The following PHLDB1 variants were observed in gnomAD, a reference collection of about 807,000 sequenced individuals.
The protein encoded by PHLDB1 is pleckstrin homology like domain family B member 1.
Under a neutral mutation model 139.3 loss-of-function variants are expected in PHLDB1, and 65 were observed. The observed-to-expected ratio is 0.47, with a 90% CI of 0.38 to 0.57. The LOEUF (loss-of-function observed/expected upper bound fraction) is 0.57, where lower values mean the gene tolerates loss of function less well. Ranked by LOEUF, PHLDB1 falls within the 20% of genes least tolerant of loss-of-function variation. The pLI, the probability that PHLDB1 is intolerant of heterozygous loss-of-function variation, is 0.00. For missense variants in PHLDB1, 1,624 were observed against 1,839.7 expected (o/e 0.88, Z 2.14); for synonymous variants, 679 against 734.5 (o/e 0.92, Z 1.22).
chr11:118,610,776 C>T lies in PHLDB1; in HGVS notation c.-21-3040C>T, dbSNP rs1311718091. On this transcript the variant is annotated intron_variant, in intron 1 of 22. Coordinates refer to ENST00000600882, the MANE Select transcript of PHLDB1 (RefSeq NM_001144758.3). The surrounding 1 kb of genome is among the most constrained non-coding windows in gnomAD (Gnocchi z 8.7). ...GGCGGAGAGGGCTTCAGACTGGTGTCCCGCGTGGCTGGGGTGTCGGCGCAT... is the reference window on the plus strand; with the variant it reads ...GGCGGAGAGGGCTTCAGACTGGTGTTCCGCGTGGCTGGGGTGTCGGCGCAT... Among the ~76,000 whole-genome samples the T allele has an allele frequency of 7.9e-5, 12 of 152,172 alleles. No homozygotes were observed. Among genetic ancestry groups the T allele is most frequent in the Admixed American group, 7.9e-4 (12 of 15,286 alleles).
At chr11:118,623,440 C>G (rs1943207442) in intron 4 of PHLDB1, among the ~76,000 whole-genome samples, 1 of 152,194 alleles carries the variant, frequency 6.6e-6, no homozygotes, top group African/African-American at 2.4e-5. Context: ...CTACATTTTC[C>G]AGCTCCCACA....
Position 118,656,968 on chromosome 11 carries a change from T to G in PHLDB1, c.*145T>G, listed in dbSNP as rs1949140998. 4.3e-6 allele frequency: 3 copies of G among 705,206 alleles called. No homozygotes were observed. The Admixed American group carries it at 8.8e-5, about 21-fold the overall frequency. 43.7% of individuals were successfully genotyped at this position (705,206 alleles called of 1,614,324 possible). A position where few individuals can be genotyped will look rare whatever the true frequency, so the allele number is the denominator to read the frequency against. The stretch of plus-strand genomic sequence containing the variant: ...AGAAGAAAAGTAGAGGTGGCTTTGC[T>G]GCCTCCTGGGAGCCCAGAACTTGCA... On this transcript the variant is annotated 3_prime_UTR_variant, in exon 23 of 23. Coordinates refer to ENST00000600882, the MANE Select transcript of PHLDB1 (RefSeq NM_001144758.3).
intron 9 of PHLDB1, chr11:118,633,215 T>C (rs1555112784): frequency 6.6e-6 from 1 of 152,404 alleles, no homozygotes; most frequent in African/African-American, 2.4e-5. Flanking sequence ...CTGGCCTCTC[T>C]CCTCTAATGC....
chr11:118,617,306 G>A (rs1381880944), intron 4 of PHLDB1, among the ~76,000 whole-genome samples: 2 of 152,150 alleles, frequency 1.3e-5, no homozygotes, highest in African/African-American at 4.8e-5. Flanking sequence ...CTCTGAGCAG[G>A]CTCTGATGGT....
intron 20 of PHLDB1, 172 bp from the exon 21 acceptor site, chr11:118,655,433 A>C: frequency 1.8e-6 from 1 of 560,960 alleles, no homozygotes; most frequent in Non-Finnish European, 3.2e-6. Flanking sequence ...AGTGAGGCTG[A>C]GCATTATCCA....
chr11:118,622,306 TG>T (rs1369481515), intron 4 of PHLDB1, among the ~76,000 whole-genome samples: 9 of 152,154 alleles, frequency 5.9e-5, no homozygotes, highest in African/African-American at 2.2e-4. Flanking sequence ...GCCAGACCCC[TG>T]GGGGCTGTAG....
chr11:118,607,279 G>C (rs959115410), upstream of PHLDB1, among the ~76,000 whole-genome samples: 3 of 141,644 alleles, frequency 2.1e-5, no homozygotes, highest in South Asian at 7.2e-4. Flanking sequence ...CCTGGGAGTG[G>C]AGGGTGGTCT....
At chr11:118,638,452 T>C (rs782393859) in intron 10 of PHLDB1, among the ~76,000 whole-genome samples, 11 of 152,174 alleles carry the variant, frequency 7.2e-5, no homozygotes, top group Non-Finnish European at 1.2e-4. Flanking sequence ...AAAGTCATCT[T>C]AGGAAGATAT....
chr11:118,619,948 T>G (rs781806936), intron 4 of PHLDB1, among the ~76,000 whole-genome samples: 2 of 152,178 alleles, frequency 1.3e-5, no homozygotes, highest in Non-Finnish European at 2.9e-5. Context: ...CTGGGGGATG[T>G]GTGCATGAGA....
chr11:118,618,196 C>T (rs1024621391), intron 4 of PHLDB1, among the ~76,000 whole-genome samples: 2 of 152,156 alleles, frequency 1.3e-5, no homozygotes, highest in Admixed American at 6.5e-5. Context: ...TAAACCCCTT[C>T]CCATTTTCCC....
chr11:118,619,764 G>C (rs922235642), intron 4 of PHLDB1, among the ~76,000 whole-genome samples: 2 of 152,206 alleles, frequency 1.3e-5, no homozygotes, highest in Non-Finnish European at 2.9e-5. Context: ...GTGAGCGTGT[G>C]CATGTGTATG....
Position 118,650,869 on chromosome 11 carries a change from A to G in PHLDB1, c.3874+322A>G, listed in dbSNP as rs1278203716. The G allele has an allele frequency of 2.8e-6, 1 of 360,978 alleles. No individual in the cohort carries two copies. Among genetic ancestry groups the G allele is most frequent in the Non-Finnish European group, 5.2e-6 (1 of 192,674 alleles). The allele number at this position is 360,978 out of a possible 1,614,324, so 22.4% of individuals were successfully genotyped here. On this transcript the variant is annotated intron_variant, in intron 20 of 22. Coordinates refer to ENST00000600882, the MANE Select transcript of PHLDB1 (RefSeq NM_001144758.3). The surrounding 1 kb of genome is among the most constrained non-coding windows in gnomAD (Gnocchi z 4.7). ...AGGGAAGCAGACAAGAGTGATAACC[A>G]CGCACAATGGGTATGCTGATAGGAG... is the stretch of plus-strand genomic sequence containing the variant.
At chr11:118,622,623 C>T (rs1272739779) in intron 4 of PHLDB1, among the ~76,000 whole-genome samples, 9 of 152,288 alleles carry the variant, frequency 5.9e-5, no homozygotes, top group South Asian at 2.1e-4. Context: ...TCCACTCAGA[C>T]TCCCTGCCTC....
chr11:118,631,272 T>A lies in PHLDB1; in HGVS notation c.1893T>A (p.Pro631=), dbSNP rs781834142. Residue 631 remains proline (P), a synonymous_variant, in exon 7 of 23, where the codon CCT becomes CCA. Transcript: ENST00000600882. ...AATACAGCCGGGCTGATGGGGGACC[T>A]GAGGCTGGGGAGCTTCCCAGCATTG... The part of the protein sequence containing the change: ...CAEYSRADGG[P]EAGELPSIGE... 58 of 1,509,614 alleles carry A rather than the reference T, an allele frequency of 3.8e-5. No individual in the cohort carries two copies. In the East Asian group the frequency reaches 1.4e-3, roughly 37 times the overall value. The allele number at this position is 1,509,614 out of a possible 1,614,324, so 93.5% of individuals were successfully genotyped here.
intron 18 of PHLDB1, among the ~76,000 whole-genome samples, chr11:118,649,045 G>A (rs1283088499): frequency 6.6e-6 from 1 of 152,178 alleles, no homozygotes; most frequent in Non-Finnish European, 1.5e-5. Flanking sequence ...TTGGGAGGCC[G>A]AGGTACACAG....
chr11:118,645,489 T>C lies in PHLDB1; in HGVS notation c.3255T>C (p.Pro1085=), dbSNP rs986455724. 1.9e-6 allele frequency: 3 copies of C among 1,611,938 alleles called. No individual in the cohort carries two copies. The highest frequency in any genetic ancestry group is 3.3e-5 in the Admixed American group (2 of 59,774). The change falls in exon 16 of 23, where the codon CCT becomes CCC. Residue 1085 remains proline, a synonymous_variant. Transcript: ENST00000600882. The surrounding 1 kb of genome is among the most constrained non-coding windows in gnomAD (Gnocchi z 5.1). ...PFPAGPSGFP[P]LMHHSILHHL... is the part of the protein sequence containing the mutation. ...CAGCGGGCCCCTCGGGCTTCCCCCC[T>C]CTCATGCACCACTCTATCCTACACC...
upstream of PHLDB1, among the ~76,000 whole-genome samples, chr11:118,607,206 A>T (rs1939341835): frequency 7.0e-6 from 1 of 142,548 alleles, no homozygotes; most frequent in Admixed American, 7.2e-5. Context: ...AAAAAGAAAG[A>T]GGGGAGAGTT....
chr11:118,638,147 A>C (rs1555116956), intron 10 of PHLDB1: 4 of 152,240 alleles, frequency 2.6e-5, no homozygotes, highest in Non-Finnish European at 5.9e-5. Flanking sequence ...GAAGCGACAT[A>C]AGAAAGGCCT....
At chr11:118,628,823 AG>A (rs1471745608) in intron 6 of PHLDB1, among the ~76,000 whole-genome samples, 173 bp downstream of exon 6, 1 of 152,280 alleles carries the variant, frequency 6.6e-6, no homozygotes, top group African/African-American at 2.4e-5. Flanking sequence ...GGTGCCGTGA[AG>A]AAGAAATTCC....
Sources: gnomAD v4.1 joint callset for allele counts (sites outside exome capture counted in the v4.1 genomes callset) on GRCh38, gnomAD v4.1.1 for gene constraint, Gnocchi (gnomAD v3.1) non-coding constraint, MANE v1.5 for transcripts, NCBI Gene and HGNC (gene_info 2026-07-23, HGNC 2026-07-21) for gene names.